Variants in ZFP69 observed in about 807,000 individuals in gnomAD.
ZFP69 encodes the protein zinc finger protein 69 homolog.
In ZFP69, 35 loss-of-function variants were observed where a neutral mutation model predicts 48.9. The ratio of observed to expected loss-of-function variants is 0.72; its 90% CI spans 0.55 to 0.95. The LOEUF is 0.95. Ranked by LOEUF, ZFP69 falls within the 40% of genes least tolerant of loss-of-function variation. The pLI, the probability that ZFP69 is intolerant of heterozygous loss-of-function variation, is 0.00. For missense variants in ZFP69, 557 were observed against 638.4 expected (o/e 0.87, Z 1.37); for synonymous variants, 193 against 216.8 (o/e 0.89, Z 0.96).
intron 4 of ZFP69, 112 bp from the exon 5 acceptor site, chr1:40,489,417 C>A (rs1049750842): frequency 1.1e-5 from 13 of 1,150,220 alleles, no homozygotes; most frequent in Middle Eastern, 2.4e-4. Context: ...GATAGAAAGA[C>A]CCACCCCTTT....
intron 5 of ZFP69, among the ~76,000 whole-genome samples, chr1:40,492,436 C>T (rs925671311): frequency 2.0e-5 from 3 of 151,992 alleles, no homozygotes; most frequent in Admixed American, 6.6e-5. Flanking sequence ...CTTTTTCTGT[C>T]GTGTTTCTCT....
At chr1:40,479,876 G>T (rs891614041) in intron 2 of ZFP69, among the ~76,000 whole-genome samples, 1 of 152,158 alleles carries the variant, frequency 6.6e-6, no homozygotes, top group Non-Finnish European at 1.5e-5. Context: ...TTTATCACAA[G>T]TATCAGTTTT....
At chr1:40,489,044 C>CA (rs760185851) in intron 3 of ZFP69, 44 bp from the exon 4 acceptor site, 2 of 1,612,170 alleles carry the variant, frequency 1.2e-6, no homozygotes, top group African/African-American at 2.7e-5. Flanking sequence ...TGGAACTTAA[C>CA]AGAGGTGGTC....
rs1205652825 is a variant in ZFP69 at position 40,479,854 on chromosome 1, C to T, written c.127+366C>T. ...CTGCACAGGTTCCAGTCATTTTAGC[C>T]CCAACCCAATATTTATCACAAGTAT... On this transcript the variant is annotated intron_variant, in intron 2 of 5. Transcript: ENST00000372706. Among the ~76,000 whole-genome samples, 2 of 152,192 alleles carry T rather than the reference C, an allele frequency of 1.3e-5. 1 individual carries two copies. Among genetic ancestry groups the T allele is most frequent in the East Asian group, 3.9e-4 (2 of 5,184 alleles).
Position 40,495,052 on chromosome 1 carries a change from T to A in ZFP69, c.574T>A (p.Ser192Thr). 4 of 1,614,078 alleles carry A rather than the reference T, an allele frequency of 2.5e-6. No individual in the cohort carries two copies. The highest frequency in any genetic ancestry group is 3.4e-6 in the Non-Finnish European group (4 of 1,180,018). Residue 192 changes from serine to threonine, a missense_variant, in exon 6 of 6, where the codon TCC (serine) becomes ACC (threonine). Transcript: ENST00000372706. The stretch of plus-strand genomic sequence containing the variant: ...AATTTATTCCACGTTGAGAAAAGTC[T>A]CCACATATGATGATGTCTTAGAAAG... Reference protein sequence around the residue: ...DIIYSTLRKVSTYDDVLERHQ... With the variant: ...DIIYSTLRKVTTYDDVLERHQ...
chr1:40,484,369 T>C (rs978695909), intron 3 of ZFP69, among the ~76,000 whole-genome samples: 1 of 151,574 alleles, frequency 6.6e-6, no homozygotes, highest in Non-Finnish European at 1.5e-5. Context: ...CTGGCTAATT[T>C]TGTATTTTTA....
At chr1:40,480,159 G>A (rs1645429025) in intron 2 of ZFP69, among the ~76,000 whole-genome samples, 1 of 152,092 alleles carries the variant, frequency 6.6e-6, no homozygotes. Flanking sequence ...CTCTAATTCT[G>A]ATTACCAATG....
chr1:40,487,203 A>C (rs954829327), intron 3 of ZFP69, among the ~76,000 whole-genome samples: 2 of 149,154 alleles, frequency 1.3e-5, no homozygotes, highest in African/African-American at 5.2e-5. Flanking sequence ...GATTACAGGC[A>C]TGAGCCACTG....
intron 3 of ZFP69, 59 bp downstream of exon 3, chr1:40,481,913 A>G (rs1056128415): frequency 3.1e-5 from 42 of 1,372,036 alleles, no homozygotes; most frequent in Admixed American, 9.3e-5. Context: ...AGGGTATATA[A>G]CCTGTCTTTT....
chr1:40,495,885 C>T lies in ZFP69; in HGVS notation c.1407C>T (p.Cys469=), dbSNP rs776879830. Residue 469 remains cysteine (C), a synonymous_variant, in exon 6 of 6, where the codon TGC becomes TGT. Coordinates refer to ENST00000372706, the MANE Select transcript of ZFP69 (RefSeq NM_001320179.2). The part of the protein sequence containing the change: ...TVHTGVKAYE[C]NRCGKAYRHD... ...ATACAGGAGTGAAAGCATATGAATG[C>T]AACCGCTGTGGAAAAGCCTATAGGC... 5 of 1,614,056 alleles carry T rather than the reference C, an allele frequency of 3.1e-6. No individual in the cohort carries two copies. In the African/African-American group the frequency reaches 5.3e-5, roughly 17 times the overall value.
In ZFP69 at chr1:40,477,911, G is replaced by T. The variant is rs1645405450; in HGVS notation, c.-327+17G>T. The T allele has an allele frequency of 6.6e-6, 1 of 152,606 alleles. No homozygotes were observed. Among genetic ancestry groups the T allele is most frequent in the African/African-American group, 2.4e-5 (1 of 41,450 alleles). The allele number at this position is 152,606 out of a possible 1,614,324, so 9.5% of individuals were successfully genotyped here. Reference sequence around the variant, plus strand: ...GCCGATGTGGTGAGTAGGAGTCTGTGTGCAGTCTTTGAGTCCGAGGGTGGC... The same window carrying T: ...GCCGATGTGGTGAGTAGGAGTCTGTTTGCAGTCTTTGAGTCCGAGGGTGGC... On this transcript the variant is annotated intron_variant, in intron 1 of 5. Coordinates refer to ENST00000372706, the MANE Select transcript of ZFP69 (RefSeq NM_001320179.2). The surrounding 1 kb of genome is among the most constrained non-coding windows in gnomAD (Gnocchi z 4.0).
At chr1:40,489,711 G>C (rs1310381255) in intron 5 of ZFP69, 87 bp downstream of exon 5, 3 of 945,748 alleles carry the variant, frequency 3.2e-6, no homozygotes, top group Non-Finnish European at 4.8e-6. Context: ...AAGTTTAATT[G>C]GCTAATGATT....
intron 3 of ZFP69, among the ~76,000 whole-genome samples, chr1:40,485,492 A>G (rs567154746): frequency 6.6e-6 from 1 of 152,300 alleles, no homozygotes; most frequent in Admixed American, 6.5e-5. Flanking sequence ...TGCTTTTAAT[A>G]GTAAACTGTC....
chr1:40,486,706 G>A (rs1645504168), intron 3 of ZFP69, among the ~76,000 whole-genome samples: 1 of 151,922 alleles, frequency 6.6e-6, no homozygotes, highest in African/African-American at 2.4e-5. Flanking sequence ...ACAGGCAGGA[G>A]CCATCCCACC....
chr1:40,490,237 C>G (rs1645553663), intron 5 of ZFP69, among the ~76,000 whole-genome samples: 1 of 152,106 alleles, frequency 6.6e-6, no homozygotes, highest in African/African-American at 2.4e-5. Flanking sequence ...GGGGAGGACA[C>G]TCATTCATGA....
At chr1:40,483,226 A>ATTTTTTTTTTTTTTTTTTTTTTTTTT (rs56706952) in intron 3 of ZFP69, among the ~76,000 whole-genome samples, 14 of 116,954 alleles carry the variant, frequency 1.2e-4, no homozygotes, top group African/African-American at 4.0e-4. Flanking sequence ...ACCTTTTTTA[A>ATTTTTTTTTTTTTTTTTTTTTTTTTT]TTTTTTTTTT....
chr1:40,486,594 T>G (rs1570027553), intron 3 of ZFP69, among the ~76,000 whole-genome samples: 1 of 44,282 alleles, frequency 2.3e-5, no homozygotes. Flanking sequence ...AATTTTTGTA[T>G]TTTTTTTTGT....
chr1:40,480,717 G>A (rs892513159), intron 2 of ZFP69, among the ~76,000 whole-genome samples: 1 of 152,114 alleles, frequency 6.6e-6, no homozygotes, highest in Non-Finnish European at 1.5e-5. Context: ...GCATACAAAT[G>A]TCTGCACTAC....
At chr1:40,481,320 AC>A (rs1015735539) in intron 2 of ZFP69, among the ~76,000 whole-genome samples, 2 of 152,124 alleles carry the variant, frequency 1.3e-5, no homozygotes, top group Non-Finnish European at 2.9e-5. Context: ...AAGTAGCAGT[AC>A]CCATTGTTGA....
Sources: allele counts gnomAD v4.1 joint callset (sites outside exome capture counted in the v4.1 genomes callset), GRCh38; gene constraint gnomAD v4.1.1; non-coding constraint Gnocchi (gnomAD v3.1); transcripts MANE v1.5; gene names NCBI Gene and HGNC (gene_info 2026-07-23, HGNC 2026-07-21).